Variants in KIAA1549L observed in about 807,000 individuals in gnomAD.
KIAA1549L encodes KIAA1549 like.
Under a neutral mutation model 160.7 loss-of-function variants are expected in KIAA1549L, and 88 were observed. The observed-to-expected ratio is 0.55, with a 90% CI of 0.46 to 0.65. The LOEUF is 0.65. Among genes scored for constraint, KIAA1549L ranks in the 30% least tolerant of loss-of-function variants. KIAA1549L has a pLI of 0.00. For missense variants in KIAA1549L, 2,258 were observed against 2,437.5 expected (o/e 0.93, Z 1.55); for synonymous variants, 950 against 976.7 (o/e 0.97, Z 0.51).
At chr11:33,650,152 A>G (rs1851844525) in intron 17 of KIAA1549L, among the ~76,000 whole-genome samples, 1 of 152,240 alleles carries the variant, frequency 6.6e-6, no homozygotes, top group African/African-American at 2.4e-5. Flanking sequence ...TAGCTGGACC[A>G]GATATGATTC....
At chr11:33,451,057 A>G (rs762047) in intron 1 of KIAA1549L, 97,868 of 152,144 alleles carry the variant, frequency 0.64, 32,114 homozygotes, top group African/African-American at 0.76. Context: ...CCTTGAACTC[A>G]GTGTACCGAC....
At chr11:33,452,073 C>A (rs1851731626) in intron 1 of KIAA1549L, among the ~76,000 whole-genome samples, 1 of 152,044 alleles carries the variant, frequency 6.6e-6, no homozygotes, top group South Asian at 2.1e-4. Context: ...ATCCAAAATC[C>A]CAGTAGAGGA....
chr11:33,578,199 C>T (rs1389880830), intron 10 of KIAA1549L, among the ~76,000 whole-genome samples: 3 of 152,076 alleles, frequency 2.0e-5, no homozygotes, highest in Non-Finnish European at 4.4e-5. Flanking sequence ...GGGGCTAGGA[C>T]AGGAGAGAGA....
intron 11 of KIAA1549L, among the ~76,000 whole-genome samples, chr11:33,588,120 C>T (rs1364657447): frequency 1.3e-5 from 2 of 152,198 alleles, no homozygotes; most frequent in Non-Finnish European, 2.9e-5. Context: ...TAATACCTAC[C>T]TTCTTGAACT....
At chr11:33,604,007 A>G (rs1298209036) in intron 13 of KIAA1549L, among the ~76,000 whole-genome samples, 2 of 152,102 alleles carry the variant, frequency 1.3e-5, no homozygotes, top group African/African-American at 4.8e-5. Context: ...CCTTCTGGAA[A>G]GTTTATCCAT....
rs71034679 is a variant in KIAA1549L at position 33,397,710 on chromosome 11, T to TCACACA, written c.238+20862_238+20867dup. On this transcript the variant is annotated intron_variant, in intron 1 of 20. Coordinates refer to ENST00000658780, the MANE Select transcript of KIAA1549L (RefSeq NM_012194.3). ...CTGGGCGACAGAGCGAGACTCCATC[T>TCACACA]CACACACACACACACACACACACAC... Among the ~76,000 whole-genome samples, 265 of 143,040 alleles carry TCACACA rather than the reference T, an allele frequency of 1.9e-3. 1 individual carries two copies. Among genetic ancestry groups the TCACACA allele is most frequent in the African/African-American group, 3.0e-3 (115 of 38,004 alleles). 93.8% of individuals were successfully genotyped at this position (143,040 alleles called of 152,430 possible).
chr11:33,443,674 CA>C (rs1330281873), intron 1 of KIAA1549L, among the ~76,000 whole-genome samples: 1 of 151,794 alleles, frequency 6.6e-6, no homozygotes, highest in Non-Finnish European at 1.5e-5. Flanking sequence ...GCCCCTTTGG[CA>C]GTCTGGCGAA....
rs370228105 is a variant in KIAA1549L, at chr11:33,532,881, T to G, written c.239-8921T>G. Among the ~76,000 whole-genome samples the G allele has an allele frequency of 8.7e-4, 132 of 152,338 alleles. No individual in the cohort carries two copies. In the South Asian group the frequency reaches 0.025, roughly 29 times the overall value. ...TTATACTGACACCTTGGGAAGATTT[T>G]CTTCTCCCTCAGTGTTTCCAGCAGT... is the stretch of plus-strand genomic sequence containing the variant. On this transcript the variant is annotated intron_variant, in intron 1 of 20. Transcript: ENST00000658780.
chr11:33,478,911 G>A (rs1852350486), intron 1 of KIAA1549L, among the ~76,000 whole-genome samples: 1 of 152,110 alleles, frequency 6.6e-6, no homozygotes, highest in African/African-American at 2.4e-5. Flanking sequence ...GATTACAGGT[G>A]TCAGCCACCA....
chr11:33,591,470 T>G lies in KIAA1549L; in HGVS notation c.4751+49T>G, dbSNP rs370866168. On this transcript the variant is annotated intron_variant, in intron 12 of 20. Transcript: ENST00000658780. ...CTCTCTGTGTCAGCAAGAGAATAAT[T>G]GATGATGAGAAAAGCTGATGCCCTC... is the stretch of plus-strand genomic sequence containing the variant. 3 of 1,455,518 alleles carry G rather than the reference T, an allele frequency of 2.1e-6. No individual in the cohort carries two copies. In the African/African-American group the frequency reaches 4.3e-5, roughly 21 times the overall value. 90.2% of individuals were successfully genotyped at this position (1,455,518 alleles called of 1,614,324 possible). A position where few individuals can be genotyped will look rare whatever the true frequency, so the allele number is the denominator to read the frequency against.
chr11:33,498,254 C>T (rs1263216771), intron 1 of KIAA1549L, among the ~76,000 whole-genome samples: 4 of 152,162 alleles, frequency 2.6e-5, no homozygotes, highest in African/African-American at 7.2e-5. Context: ...GGGCTTGTCC[C>T]GGATTCACTC....
At chr11:33,595,482 G>T (rs1184068979) in intron 12 of KIAA1549L, among the ~76,000 whole-genome samples, 1 of 152,162 alleles carries the variant, frequency 6.6e-6, no homozygotes, top group South Asian at 2.1e-4. Flanking sequence ...GCCCACCTTG[G>T]CCTCCCAAAG....
At chr11:33,432,258 G>A (rs1167356096) in intron 1 of KIAA1549L, among the ~76,000 whole-genome samples, 2 of 152,320 alleles carry the variant, frequency 1.3e-5, no homozygotes, top group African/African-American at 2.4e-5. Context: ...CAGAGGAGGC[G>A]CCGAGAGCAA....
chr11:33,448,434 C>T (rs1851658940), intron 1 of KIAA1549L, among the ~76,000 whole-genome samples: 1 of 152,068 alleles, frequency 6.6e-6, no homozygotes, highest in African/African-American at 2.4e-5. Flanking sequence ...TTAGTCTTCT[C>T]TATGGAGCTG....
intron 1 of KIAA1549L, among the ~76,000 whole-genome samples, chr11:33,510,485 C>T (rs898709493): frequency 2.0e-5 from 3 of 152,136 alleles, no homozygotes; most frequent in African/African-American, 7.2e-5. Context: ...CTGTGCATGG[C>T]CAGGACAAGG....
chr11:33,568,332 C>G, intron 9 of KIAA1549L, 105 bp downstream of exon 9: 2 of 1,085,388 alleles, frequency 1.8e-6, no homozygotes, highest in Non-Finnish European at 2.5e-6. Flanking sequence ...AGCCTCCATG[C>G]TGCCAACTGA....
chr11:33,543,754 A>T lies in KIAA1549L; in HGVS notation c.2191A>T (p.Thr731Ser), dbSNP rs1306662361. The T allele has an allele frequency of 1.9e-6, 3 of 1,614,044 alleles. No homozygotes were observed. Among genetic ancestry groups the T allele is most frequent in the Non-Finnish European group, 2.5e-6 (3 of 1,179,888 alleles). The change falls in exon 2 of 21, where the codon ACC (threonine) becomes TCC (serine). Residue 731 changes from threonine (T) to serine (S), a missense_variant. This residue lies in a region of KIAA1549L where 287 missense variants were observed against 292.3 expected (regional missense o/e 0.98). Transcript: ENST00000658780. ...NYDLNGHTIS[T>S]TSWETHLAPT... is the part of the protein sequence containing the mutation. ...TGATTTAAATGGACACACAATTAGC[A>T]CCACAAGTTGGGAAACTCATTTAGC...
intron 16 of KIAA1549L, among the ~76,000 whole-genome samples, chr11:33,627,593 C>T (rs557670263): frequency 0.049 from 7,386 of 151,986 alleles, 499 homozygotes; most frequent in African/African-American, 0.15. Flanking sequence ...TCTGTGGGAT[C>T]GGTGGTGATA....
chr11:33,513,324 T>C (rs1054619923), intron 1 of KIAA1549L, among the ~76,000 whole-genome samples: 4 of 152,210 alleles, frequency 2.6e-5, no homozygotes, highest in Non-Finnish European at 5.9e-5. Context: ...GGTTTTTTAA[T>C]CATACATCAG....
Sources: gnomAD v4.1 joint callset for allele counts (sites outside exome capture counted in the v4.1 genomes callset) on GRCh38, gnomAD v4.1.1 for gene constraint, gnomAD v4.1.1 regional missense constraint, MANE v1.5 for transcripts, NCBI Gene and HGNC (gene_info 2026-07-23, HGNC 2026-07-21) for gene names.